Variants in CDH18 observed in about 807,000 individuals in gnomAD.
CDH18 encodes the protein cadherin-18.
A neutral mutation model predicts 67.9 loss-of-function variants in CDH18; 31 were observed. The observed-to-expected ratio is 0.46, with a 90% CI of 0.34 to 0.62. The LOEUF (loss-of-function observed/expected upper bound fraction) is 0.62, where lower values mean the gene tolerates loss of function less well. Among genes scored for constraint, CDH18 ranks in the 20% least tolerant of loss-of-function variants. The pLI is 0.01. For missense variants in CDH18, 890 were observed against 975.5 expected, an observed-to-expected ratio of 0.91 and a Z score of 1.17; for synonymous variants, 362 against 347.2, an observed-to-expected ratio of 1.04 and a Z score of -0.48.
Position 20,345,693 on chromosome 5 carries a change from G to A in CDH18, c.-579-90188C>T, listed in dbSNP as rs377313552. Among the ~76,000 whole-genome samples the A allele has an allele frequency of 3.6e-4, 55 of 152,082 alleles. 2 individuals carry two copies. In the South Asian group the frequency reaches 0.011, roughly 30 times the overall value. ...ACAAAAGGTCAGAATCTTAGTAATT[G>A]TTAGATTTGCCATGAATCTCCTGAA... On this transcript the variant is annotated intron_variant, in intron 1 of 14. Coordinates refer to the CDH18 transcript ENST00000507958.
intron 2 of CDH18, among the ~76,000 whole-genome samples, chr5:20,053,375 T>C (rs1333025694): frequency 6.6e-6 from 1 of 151,862 alleles, no homozygotes; most frequent in Non-Finnish European, 1.5e-5. Context: ...CTCTCTTTTT[T>C]ATTTCTTAGT....
At chr5:20,409,599 T>C (rs1011261733) in intron 1 of CDH18, among the ~76,000 whole-genome samples, 1 of 151,168 alleles carries the variant, frequency 6.6e-6, no homozygotes, top group Non-Finnish European at 1.5e-5. Context: ...ACTTTACATC[T>C]CAACAAACAA....
At chr5:20,483,786 G>T (rs140874446) in intron 1 of CDH18, among the ~76,000 whole-genome samples, 1 of 151,876 alleles carries the variant, frequency 6.6e-6, no homozygotes. Flanking sequence ...AATCAGAATG[G>T]ATTAAAAACA....
Position 19,958,766 on chromosome 5 carries a change from A to G in CDH18, c.-257+22294T>C, listed in dbSNP as rs115515755. On this transcript the variant is annotated intron_variant, in intron 2 of 12. Coordinates refer to ENST00000382275, the MANE Select transcript of CDH18 (RefSeq NM_004934.5). ...TGTAACTTTGGAAAGTCTGGAAGTA[A>G]CAAACGAGACATGAGAACATGTGTG... Among the ~76,000 whole-genome samples the G allele has an allele frequency of 8.8e-3, 1,343 of 152,114 alleles. 28 individuals carry two copies. Among genetic ancestry groups the G allele is most frequent in the African/African-American group, 0.03 (1,256 of 41,458 alleles).
intron 9 of CDH18, among the ~76,000 whole-genome samples, chr5:19,527,924 G>A (rs79164804): frequency 0.014 from 2,166 of 151,768 alleles, 20 homozygotes; most frequent in South Asian, 0.032. Context: ...AGAGTAACAG[G>A]AGTTAGAAGC....
chr5:20,470,414 C>G (rs1158684565), intron 1 of CDH18, among the ~76,000 whole-genome samples: 2 of 152,196 alleles, frequency 1.3e-5, no homozygotes, highest in Non-Finnish European at 2.9e-5. Context: ...CCTCTTTAAT[C>G]TTTAAGGTAA....
intron 2 of CDH18, among the ~76,000 whole-genome samples, chr5:20,085,417 C>A (rs996344517): frequency 4.6e-5 from 7 of 152,100 alleles, no homozygotes; most frequent in Admixed American, 3.9e-4. Flanking sequence ...CAAAATTTCC[C>A]ATGCTTTCCT....
intron 2 of CDH18, among the ~76,000 whole-genome samples, chr5:20,177,917 A>G (rs1228898828): frequency 6.6e-6 from 1 of 152,088 alleles, no homozygotes; most frequent in African/African-American, 2.4e-5. Flanking sequence ...AGGTTTCCCC[A>G]GCCACGTGGA....
chr5:19,655,020 G>T (rs1432302096), intron 5 of CDH18, among the ~76,000 whole-genome samples: 1 of 152,058 alleles, frequency 6.6e-6, no homozygotes, highest in Non-Finnish European at 1.5e-5. Context: ...AGGGGGGTGT[G>T]GCAGGCCCAA....
At position 19,569,732 on chromosome 5, in the gene CDH18, C is replaced by T. The variant is rs542968902; in HGVS notation, c.1253+1847G>A. 4.6e-5 allele frequency among the ~76,000 whole-genome samples: 7 copies of T among 152,146 alleles called. No individual in the cohort carries two copies. The East Asian group carries it at 1.4e-3, about 30-fold the overall frequency. ...TTCCACCTAAATGTACATATTGGTACCCACTGGATTGTACATTTTAAAACA... is the reference window on the plus strand; with the variant it reads ...TTCCACCTAAATGTACATATTGGTATCCACTGGATTGTACATTTTAAAACA... On this transcript the variant is annotated intron_variant, in intron 8 of 12. Coordinates refer to ENST00000382275, the MANE Select transcript of CDH18 (RefSeq NM_004934.5).
intron 2 of CDH18, among the ~76,000 whole-genome samples, chr5:19,936,661 C>T (rs1278587215): frequency 6.6e-6 from 1 of 150,924 alleles, no homozygotes; most frequent in African/African-American, 2.4e-5. Flanking sequence ...TCTAGTATAA[C>T]ATAAATTTTA....
intron 5 of CDH18, among the ~76,000 whole-genome samples, chr5:19,661,053 G>GA (rs1350540898): frequency 1.3e-5 from 2 of 150,360 alleles, no homozygotes; most frequent in South Asian, 2.1e-4. Flanking sequence ...ATCAAAGAAA[G>GA]AAAAAAACAA....
At position 19,723,957 on chromosome 5, in the gene CDH18, C is replaced by T. The variant is rs530179275; in HGVS notation, c.524-2491G>A. Reference sequence around the variant, plus strand: ...AACTCCTGACCTCAGGTGATTTGCCCGCCTCAGCCTCCTAAGTGCTGGGAT... The same window carrying T: ...AACTCCTGACCTCAGGTGATTTGCCTGCCTCAGCCTCCTAAGTGCTGGGAT... On this transcript the variant is annotated intron_variant, in intron 4 of 12. Transcript: ENST00000382275. Among the ~76,000 whole-genome samples the T allele has an allele frequency of 5.9e-5, 9 of 152,068 alleles. No homozygotes were observed. In the East Asian group the frequency reaches 7.8e-4, roughly 13 times the overall value.
chr5:20,091,606 T>C lies in CDH18; in HGVS notation c.-517-99592A>G, dbSNP rs185729404. Among the ~76,000 whole-genome samples the C allele has an allele frequency of 8.2e-4, 125 of 152,306 alleles. 1 individual carries two copies. The highest frequency in any genetic ancestry group is 1.8e-3 in the Admixed American group (28 of 15,296). ...TCATTATAGCTCAGCCAATAGTCTT[T>C]TCAAGTTTTTCTTCATTCTGGGTCT... On this transcript the variant is annotated intron_variant, in intron 2 of 14. Transcript: ENST00000507958.
At chr5:19,528,061 T>C (rs555132291) in intron 9 of CDH18, among the ~76,000 whole-genome samples, 207 of 151,994 alleles carry the variant, frequency 1.4e-3, no homozygotes, top group African/African-American at 4.8e-3. Context: ...AGAAATTGTA[T>C]TGATTATAAA....
intron 7 of CDH18, among the ~76,000 whole-genome samples, chr5:19,586,532 C>T (rs887094312): frequency 2.0e-5 from 3 of 152,100 alleles, no homozygotes; most frequent in Admixed American, 1.3e-4. Flanking sequence ...ACAAAGGACA[C>T]GAATGTAGTT....
chr5:19,890,983 T>C (rs1788729386), intron 2 of CDH18, among the ~76,000 whole-genome samples: 1 of 152,198 alleles, frequency 6.6e-6, no homozygotes, highest in African/African-American at 2.4e-5. Context: ...TTACTATTAA[T>C]GGGTGAACTA....
intron 5 of CDH18, among the ~76,000 whole-genome samples, chr5:19,701,723 T>C (rs538242070): frequency 6.6e-6 from 1 of 152,206 alleles, no homozygotes; most frequent in Admixed American, 6.5e-5. Flanking sequence ...GACAAGTTTC[T>C]TCTCAGCTCT....
intron 2 of CDH18, among the ~76,000 whole-genome samples, chr5:20,185,817 C>A (rs1008043622): frequency 4.0e-5 from 6 of 151,848 alleles, no homozygotes; most frequent in Non-Finnish European, 7.4e-5. Context: ...CTGACACTAT[C>A]CCCCTTCCCA....
Sources: allele counts gnomAD v4.1 joint callset (sites outside exome capture counted in the v4.1 genomes callset), GRCh38; gene constraint gnomAD v4.1.1; transcripts MANE v1.5; gene names NCBI Gene and HGNC (gene_info 2026-07-23, HGNC 2026-07-21).